SUSD4: variants seen among roughly 807,000 people sequenced by gnomAD.
SUSD4 encodes sushi domain containing 4, also known as sushi domain-containing protein 4.
In SUSD4, 41 loss-of-function variants were observed where a neutral mutation model predicts 50.5. The observed-to-expected ratio is 0.81, with a 90% CI of 0.63 to 1.05. The LOEUF is 1.05. Ranked by LOEUF, SUSD4 falls within the 50% of genes least tolerant of loss-of-function variation. The pLI is 0.00. For synonymous variants in SUSD4, 257 were observed against 257.3 expected (o/e 1.00, Z 0.01); for missense variants, 580 against 634.7 (o/e 0.91, Z 0.93).
At chr1:223,348,028 C>A (rs1452460555) in intron 2 of SUSD4, among the ~76,000 whole-genome samples, 1 of 151,952 alleles carries the variant, frequency 6.6e-6, no homozygotes, top group Non-Finnish European at 1.5e-5. Context: ...TCTAACATAA[C>A]AAACCCCAAG....
At chr1:223,329,220 T>C (rs1388808130) in intron 2 of SUSD4, among the ~76,000 whole-genome samples, 2 of 152,200 alleles carry the variant, frequency 1.3e-5, no homozygotes, top group Non-Finnish European at 2.9e-5. Context: ...GTATTTATCA[T>C]CATGGAGAAG....
At chr1:223,238,700 C>T (rs1315336351) in intron 5 of SUSD4, among the ~76,000 whole-genome samples, 1 of 152,006 alleles carries the variant, frequency 6.6e-6, no homozygotes, top group Non-Finnish European at 1.5e-5. Flanking sequence ...CAAGCAGACA[C>T]TGTATTATTT....
chr1:223,295,963 G>A (rs984254144), intron 2 of SUSD4, among the ~76,000 whole-genome samples: 2 of 152,116 alleles, frequency 1.3e-5, no homozygotes, highest in Non-Finnish European at 2.9e-5. Context: ...AAAAGGGTGG[G>A]AAGATCATTT....
intron 5 of SUSD4, among the ~76,000 whole-genome samples, chr1:223,254,102 G>T (rs1274769057): frequency 6.6e-6 from 1 of 152,234 alleles, no homozygotes; most frequent in African/African-American, 2.4e-5. Context: ...ATCCTGCCAG[G>T]CTCATGCAAG....
intron 5 of SUSD4, among the ~76,000 whole-genome samples, chr1:223,230,217 C>T (rs1273508390): frequency 3.9e-5 from 6 of 152,122 alleles, no homozygotes; most frequent in South Asian, 2.1e-4. Context: ...ACCACAAAGA[C>T]GGCTTCAGTG....
At chr1:223,331,228 T>C (rs1327885970) in intron 2 of SUSD4, among the ~76,000 whole-genome samples, 4 of 152,180 alleles carry the variant, frequency 2.6e-5, no homozygotes, top group African/African-American at 7.2e-5. Flanking sequence ...CTGCCAAGAA[T>C]CAGAAGAGTA....
At position 223,307,548 on chromosome 1, in the gene SUSD4, G is replaced by C. The variant is rs73122263; in HGVS notation, c.149-14897C>G. Among the ~76,000 whole-genome samples, 792 of 152,226 alleles carry C rather than the reference G, an allele frequency of 5.2e-3. 11 individuals carry two copies. The highest frequency in any genetic ancestry group is 0.018 in the African/African-American group (748 of 41,526). On this transcript the variant is annotated intron_variant, in intron 2 of 8. Coordinates refer to ENST00000366878, the MANE Select transcript of SUSD4 (RefSeq NM_017982.4). ...TTACATAGCTCATTTGTAAACTAGA[G>C]TCCAGATAGCATGTGAGGTTTTCAA...
intron 3 of SUSD4, among the ~76,000 whole-genome samples, chr1:223,283,652 C>T (rs1270570554): frequency 6.6e-6 from 1 of 152,196 alleles, no homozygotes; most frequent in Non-Finnish European, 1.5e-5. Context: ...ACTAGTTCAA[C>T]CATTGTGGAA....
intron 3 of SUSD4, among the ~76,000 whole-genome samples, chr1:223,286,270 C>T (rs1664133184): frequency 6.6e-6 from 1 of 152,208 alleles, no homozygotes; most frequent in African/African-American, 2.4e-5. Flanking sequence ...CGCCTGCCAC[C>T]ACGCCTGGCT....
At chr1:223,253,371 C>T (rs538150850) in intron 5 of SUSD4, among the ~76,000 whole-genome samples, 2 of 151,818 alleles carry the variant, frequency 1.3e-5, no homozygotes, top group African/African-American at 4.8e-5. Flanking sequence ...TGAACATAGG[C>T]ATGATGGTTA....
intron 5 of SUSD4, among the ~76,000 whole-genome samples, chr1:223,247,435 G>A (rs1337110711): frequency 6.6e-6 from 1 of 152,282 alleles, no homozygotes; most frequent in East Asian, 1.9e-4. Context: ...TGGAGAAGAG[G>A]CACTGGCGGA....
At chr1:223,276,738 G>A (rs1162329449) in intron 3 of SUSD4, among the ~76,000 whole-genome samples, 1 of 152,250 alleles carries the variant, frequency 6.6e-6, no homozygotes, top group Non-Finnish European at 1.5e-5. Flanking sequence ...CTGGGGACAG[G>A]TAGAAGCATC....
chr1:223,234,896 A>G (rs1012308508), intron 5 of SUSD4: 10 of 1,540,700 alleles, frequency 6.5e-6, no homozygotes, highest in Non-Finnish European at 8.7e-6. Flanking sequence ...GAAATACAGT[A>G]TAGGATAAAA....
intron 2 of SUSD4, among the ~76,000 whole-genome samples, chr1:223,336,061 T>A (rs1159780549): frequency 6.6e-6 from 1 of 151,280 alleles, no homozygotes; most frequent in Admixed American, 6.6e-5. Flanking sequence ...CCAGGAGTAA[T>A]AAGTATGTAC....
chr1:223,223,145 G>A (rs1249897146), intron 8 of SUSD4, 104 bp downstream of exon 8: 9 of 1,422,632 alleles, frequency 6.3e-6, no homozygotes, highest in South Asian at 1.7e-5. Context: ...AGATTGATTC[G>A]ACTCTGTGCT....
intron 2 of SUSD4, among the ~76,000 whole-genome samples, chr1:223,297,999 T>C (rs1411486919): frequency 6.6e-6 from 1 of 151,788 alleles, no homozygotes; most frequent in African/African-American, 2.4e-5. Context: ...GGTGAATGGA[T>C]AAATGGGTAG....
chr1:223,309,105 A>G (rs1253575539), intron 2 of SUSD4, among the ~76,000 whole-genome samples: 1 of 152,178 alleles, frequency 6.6e-6, no homozygotes, highest in African/African-American at 2.4e-5. Flanking sequence ...CTTCCAATCA[A>G]CCATCTCTTA....
At chr1:223,281,070 C>T (rs1010417383) in intron 3 of SUSD4, among the ~76,000 whole-genome samples, 15 of 152,112 alleles carry the variant, frequency 9.9e-5, no homozygotes, top group Admixed American at 3.3e-4. Context: ...CCAGAATCTC[C>T]GGGACACATT....
At chr1:223,301,192 G>A (rs1665168306) in intron 2 of SUSD4, among the ~76,000 whole-genome samples, 1 of 152,152 alleles carries the variant, frequency 6.6e-6, no homozygotes. Flanking sequence ...TGTTAAAACA[G>A]GGCTGAGCAA....
Sources: gnomAD v4.1 joint callset for allele counts (sites outside exome capture counted in the v4.1 genomes callset) on GRCh38, gnomAD v4.1.1 for gene constraint, MANE v1.5 for transcripts, NCBI Gene and HGNC (gene_info 2026-07-23, HGNC 2026-07-21) for gene names.